XKR6: variants seen among roughly 807,000 people sequenced by gnomAD.
XKR6 encodes XK-related protein 6.
XKR6 carries 22 observed loss-of-function variants against 56.7 expected under a neutral mutation model. That is an observed-to-expected ratio of 0.39 (90% CI 0.28 to 0.55). The LOEUF (loss-of-function observed/expected upper bound fraction) is 0.55, where lower values mean the gene tolerates loss of function less well. Among genes scored for constraint, XKR6 ranks in the 20% least tolerant of loss-of-function variants. The pLI is 0.66. For missense variants in XKR6, 852 were observed against 889.0 expected (o/e 0.96, Z 0.53); for synonymous variants, 524 against 387.8 (o/e 1.35, Z -4.13).
chr8:11,063,045 C>G (rs1263906555), intron 1 of XKR6: 3 of 350,140 alleles, frequency 8.6e-6, no homozygotes, highest in South Asian at 6.5e-5. Context: ...CATTTGGACT[C>G]CTATATGGAC....
intron 1 of XKR6, among the ~76,000 whole-genome samples, chr8:10,998,378 C>A (rs1183044409): frequency 6.6e-6 from 1 of 152,188 alleles, no homozygotes; most frequent in Non-Finnish European, 1.5e-5. Flanking sequence ...GTACTAGTGA[C>A]CTGCAAGCCC....
chr8:11,039,585 GC>G (rs1462572947), intron 1 of XKR6, among the ~76,000 whole-genome samples: 2 of 152,220 alleles, frequency 1.3e-5, no homozygotes, highest in African/African-American at 4.8e-5. Context: ...ACACGCGCTG[GC>G]CCCAACGTCC....
At chr8:11,022,427 T>TC (rs1798768923) in intron 1 of XKR6, among the ~76,000 whole-genome samples, 1 of 152,022 alleles carries the variant, frequency 6.6e-6, no homozygotes, top group South Asian at 2.1e-4. Context: ...GTCCAAGCAG[T>TC]CCCCCTGGGT....
At chr8:11,148,395 A>T (rs1354352965) in intron 1 of XKR6, among the ~76,000 whole-genome samples, 1 of 152,194 alleles carries the variant, frequency 6.6e-6, no homozygotes, top group African/African-American at 2.4e-5. Context: ...GCAAGCCAAG[A>T]AGAGGGGCCT....
At chr8:11,164,523 A>C (rs547802426) in intron 1 of XKR6, among the ~76,000 whole-genome samples, 7 of 152,368 alleles carry the variant, frequency 4.6e-5, no homozygotes, top group Admixed American at 2.0e-4. Flanking sequence ...TGAAAATTCA[A>C]GAGGTTCTTG....
chr8:11,089,887 C>G (rs1248392051), intron 1 of XKR6, among the ~76,000 whole-genome samples: 1 of 152,064 alleles, frequency 6.6e-6, no homozygotes, highest in African/African-American at 2.4e-5. Flanking sequence ...TAGATATATA[C>G]TTATTCATAT....
chr8:11,195,264 T>G (rs1473670436), intron 1 of XKR6: 2 of 684,258 alleles, frequency 2.9e-6, no homozygotes, highest in East Asian at 5.5e-5. Context: ...TTTTTACAGT[T>G]TAACATTTTA....
At chr8:11,179,908 G>T (rs1007941200) in intron 1 of XKR6, among the ~76,000 whole-genome samples, 1 of 152,162 alleles carries the variant, frequency 6.6e-6, no homozygotes, top group East Asian at 1.9e-4. Context: ...CGATGTAGGG[G>T]AATTGCTCAA....
intron 1 of XKR6, among the ~76,000 whole-genome samples, chr8:10,957,627 G>A (rs143350701): frequency 6.6e-6 from 1 of 152,336 alleles, no homozygotes; most frequent in Non-Finnish European, 1.5e-5. Context: ...CAGGGCAGAT[G>A]GAGCTTCCGC....
At chr8:11,118,916 G>C (rs1017768730) in intron 1 of XKR6, among the ~76,000 whole-genome samples, 36 of 152,064 alleles carry the variant, frequency 2.4e-4, no homozygotes, top group African/African-American at 8.2e-4. Flanking sequence ...GTCAATTTTA[G>C]ATCTTTCCTG....
chr8:10,918,505 C>T (rs143214952), intron 2 of XKR6, among the ~76,000 whole-genome samples: 36 of 152,344 alleles, frequency 2.4e-4, no homozygotes, highest in East Asian at 1.2e-3. Context: ...CACTCCATCC[C>T]GTCAGCAGTG....
At chr8:10,993,251 G>A (rs147474381) in intron 1 of XKR6, among the ~76,000 whole-genome samples, 106 of 152,358 alleles carry the variant, frequency 7.0e-4, no homozygotes, top group African/African-American at 2.2e-3. Flanking sequence ...CACATTGAAT[G>A]CCTCTTACCA....
intron 1 of XKR6, among the ~76,000 whole-genome samples, chr8:11,010,371 T>G (rs150094004): frequency 6.6e-6 from 1 of 152,110 alleles, no homozygotes; most frequent in African/African-American, 2.4e-5. Context: ...ATAATAGTAA[T>G]AGTAAAAACT....
At chr8:11,132,861 GA>G (rs33917510) in intron 1 of XKR6, among the ~76,000 whole-genome samples, 74,920 of 143,838 alleles carry the variant, frequency 0.52, 20,578 homozygotes, top group African/African-American at 0.69. Context: ...TATGATGTGT[GA>G]AAAAAAAAAA....
chr8:11,042,362 C>G (rs1333884544), intron 1 of XKR6, among the ~76,000 whole-genome samples: 2 of 152,022 alleles, frequency 1.3e-5, no homozygotes, highest in African/African-American at 2.4e-5. Flanking sequence ...ATGGGAGGGA[C>G]CCGGTGGGAG....
At chr8:11,194,824 G>T (rs1161598010) in intron 1 of XKR6, 2 of 366,722 alleles carry the variant, frequency 5.5e-6, no homozygotes, top group Admixed American at 8.7e-5. Flanking sequence ...GCACCTGCCT[G>T]CTAGATTTCA....
rs1799943180 is a variant in XKR6, at chr8:10,898,276, A to G, written c.1602T>C (p.Pro534=). The G allele has an allele frequency of 1.9e-6, 3 of 1,613,988 alleles. No individual in the cohort carries two copies. Among genetic ancestry groups the G allele is most frequent in the African/African-American group, 1.3e-5 (1 of 74,908 alleles). The change falls in exon 3 of 3, where the codon CCT becomes CCC. Residue 534 remains proline, a synonymous_variant. Transcript: ENST00000416569. This position sits in a 1 kb window ranked among gnomAD's most constrained non-coding sequence, Gnocchi z 6.6. Reference sequence around the variant, plus strand: ...GCGTAACCTGGGTCCCCCGGTACCCAGGGATCTCAGGCGCCATGGGCTCAA... The same window carrying G: ...GCGTAACCTGGGTCCCCCGGTACCCGGGGATCTCAGGCGCCATGGGCTCAA... ...PDVEPMAPEI[P]GYRGTQVTPT...
intron 1 of XKR6, among the ~76,000 whole-genome samples, chr8:11,074,776 C>G (rs567172171): frequency 6.6e-6 from 1 of 152,322 alleles, no homozygotes; most frequent in South Asian, 2.1e-4. Flanking sequence ...GGCTGCACAC[C>G]AGACCTCTGT....
intron 1 of XKR6, among the ~76,000 whole-genome samples, chr8:11,067,414 C>T (rs570891680): frequency 6.6e-6 from 1 of 152,336 alleles, no homozygotes; most frequent in South Asian, 2.1e-4. Context: ...CATCAGAGTC[C>T]CATTTGAACA....
Sources: gnomAD v4.1 joint callset for allele counts (sites outside exome capture counted in the v4.1 genomes callset) on GRCh38, gnomAD v4.1.1 for gene constraint, Gnocchi (gnomAD v3.1) non-coding constraint, MANE v1.5 for transcripts, NCBI Gene and HGNC (gene_info 2026-07-23, HGNC 2026-07-21) for gene names.